CDH9: variants seen among roughly 807,000 people sequenced by gnomAD.
CDH9 encodes cadherin-9.
In CDH9, 28 loss-of-function variants were observed where a neutral mutation model predicts 70.9. The observed-to-expected ratio is 0.40, with a 90% confidence interval of 0.29 to 0.54. The LOEUF (loss-of-function observed/expected upper bound fraction) is 0.54, where lower values mean the gene tolerates loss of function less well. Among genes scored for constraint, CDH9 ranks in the 20% least tolerant of loss-of-function variants. The pLI, the probability that CDH9 is intolerant of heterozygous loss-of-function variation, is 0.59. For missense variants in CDH9, 874 were observed against 984.4 expected (o/e 0.89, Z 1.50); for synonymous variants, 409 against 343.1 (o/e 1.19, Z -2.12).
intron 7 of CDH9, among the ~76,000 whole-genome samples, chr5:26,898,969 T>C (rs1027439652): frequency 6.6e-6 from 1 of 151,844 alleles, no homozygotes. Context: ...TTAAACAAAT[T>C]TACAAGAAAA....
At chr5:27,000,979 G>A (rs1013056728) in intron 1 of CDH9, among the ~76,000 whole-genome samples, 5 of 152,094 alleles carry the variant, frequency 3.3e-5, no homozygotes, top group Admixed American at 2.0e-4. Context: ...ATGAACAGGT[G>A]AAGCAAAGGA....
At chr5:27,030,526 TA>T (rs529569068) in intron 1 of CDH9, among the ~76,000 whole-genome samples, 2,736 of 131,186 alleles carry the variant, frequency 0.021, 21 homozygotes, top group African/African-American at 0.023. Context: ...AAGCAGGGAT[TA>T]AAAAAAAAAA....
chr5:26,894,868 G>C (rs12519358), intron 7 of CDH9, among the ~76,000 whole-genome samples: 17,016 of 151,988 alleles, frequency 0.11, 1,601 homozygotes, highest in East Asian at 0.48. Flanking sequence ...GCAGAGACAG[G>C]ATCCAATCAT....
rs1333764705 is a variant in CDH9, at chr5:27,027,704, T to C, written c.-50+10759A>G. 4.6e-5 allele frequency among the ~76,000 whole-genome samples: 7 copies of C among 152,050 alleles called. No individual in the cohort carries two copies. The East Asian group carries it at 1.4e-3, about 29-fold the overall frequency. ...CCTACTAAACTTCTTGTTTACTACA[T>C]TTTATACATGGGACAATTTGCACCC... On this transcript the variant is annotated intron_variant, in intron 1 of 11. Transcript: ENST00000231021.
chr5:26,973,621 A>G (rs971162853), intron 2 of CDH9, among the ~76,000 whole-genome samples: 1 of 152,158 alleles, frequency 6.6e-6, no homozygotes, highest in African/African-American at 2.4e-5. Flanking sequence ...AATTCCAACT[A>G]GAAGAAATTT....
At chr5:27,005,185 A>G (rs114102413) in intron 1 of CDH9, among the ~76,000 whole-genome samples, 1,837 of 152,224 alleles carry the variant, frequency 0.012, 19 homozygotes, top group Non-Finnish European at 0.018. Context: ...TTTCAAATTA[A>G]TTTAGAAAAT....
At chr5:26,937,782 C>T (rs964140139) in intron 2 of CDH9, among the ~76,000 whole-genome samples, 1 of 151,940 alleles carries the variant, frequency 6.6e-6, no homozygotes, top group African/African-American at 2.4e-5. Flanking sequence ...AACTATGAAG[C>T]AAGTACAATG....
intron 1 of CDH9, among the ~76,000 whole-genome samples, chr5:26,999,593 C>T (rs1742728634): frequency 2.6e-5 from 4 of 152,086 alleles, no homozygotes; most frequent in African/African-American, 9.7e-5. Context: ...TGTCAACTCT[C>T]ATTTGACAAA....
intron 1 of CDH9, among the ~76,000 whole-genome samples, chr5:27,007,322 T>C (rs938823933): frequency 2.0e-5 from 3 of 151,912 alleles, no homozygotes; most frequent in Non-Finnish European, 4.4e-5. Flanking sequence ...TGTCTGTGGG[T>C]AGGGAGGGGA....
rs577067359 is a variant in CDH9, at chr5:26,969,706, A to T, written c.228+18400T>A. Among the ~76,000 whole-genome samples, 3 of 152,120 alleles carry T rather than the reference A, an allele frequency of 2.0e-5. No individual in the cohort carries two copies. In the South Asian group the frequency reaches 6.2e-4, roughly 32 times the overall value. The stretch of plus-strand genomic sequence containing the variant: ...TAACATATTTAATCCATAGCTGTAT[A>T]GTTTGATTGCACTGGTATTGATACT... On this transcript the variant is annotated intron_variant, in intron 2 of 11. Coordinates refer to ENST00000231021, the MANE Select transcript of CDH9 (RefSeq NM_016279.4).
intron 2 of CDH9, among the ~76,000 whole-genome samples, chr5:26,970,298 T>A (rs939868316): frequency 2.3e-4 from 35 of 152,134 alleles, no homozygotes; most frequent in African/African-American, 8.4e-4. Context: ...TAGTTATTGA[T>A]CTTATTGTTC....
At chr5:26,992,250 C>T (rs569512836) in intron 1 of CDH9, among the ~76,000 whole-genome samples, 12 of 152,160 alleles carry the variant, frequency 7.9e-5, no homozygotes, top group Admixed American at 5.2e-4. Flanking sequence ...AGACCAGGGA[C>T]CAGTACTGGT....
intron 9 of CDH9, among the ~76,000 whole-genome samples, chr5:26,888,887 T>C (rs1484606322): frequency 6.6e-6 from 1 of 152,158 alleles, no homozygotes; most frequent in East Asian, 1.9e-4. Flanking sequence ...AGCTCTCTGT[T>C]ATCTTTTCTT....
At chr5:27,004,795 C>T (rs945570530) in intron 1 of CDH9, among the ~76,000 whole-genome samples, 1 of 152,004 alleles carries the variant, frequency 6.6e-6, no homozygotes, top group Non-Finnish European at 1.5e-5. Context: ...CTCAAATATG[C>T]ATTTAACATC....
intron 5 of CDH9, among the ~76,000 whole-genome samples, chr5:26,904,116 T>C (rs544851818): frequency 6.6e-6 from 1 of 152,088 alleles, no homozygotes; most frequent in East Asian, 1.9e-4. Context: ...AACTTTTGGC[T>C]TAAAAGAACA....
chr5:26,894,350 A>C (rs867694469), intron 7 of CDH9, among the ~76,000 whole-genome samples: 1 of 152,292 alleles, frequency 6.6e-6, no homozygotes, highest in East Asian at 1.9e-4. Flanking sequence ...CAATTGCAAC[A>C]TGATAAAAAT....
chr5:26,990,436 C>T (rs908198643), intron 1 of CDH9, among the ~76,000 whole-genome samples: 1 of 152,066 alleles, frequency 6.6e-6, no homozygotes, highest in Non-Finnish European at 1.5e-5. Context: ...TACAGTAATA[C>T]AAAATTACAC....
chr5:26,890,457 T>G lies in CDH9; in HGVS notation c.1361A>C (p.His454Pro), dbSNP rs751026716. 5 of 1,613,636 alleles carry G rather than the reference T, an allele frequency of 3.1e-6. No individual in the cohort carries two copies. The highest frequency in any genetic ancestry group is 4.2e-6 in the Non-Finnish European group (5 of 1,179,594). Reference sequence around the variant, plus strand: ...TTCTGTGGCTGTAACAGTGATGTTATGCCAAGGAGATGATTCCCGGTCAAG... The same window carrying G: ...TTCTGTGGCTGTAACAGTGATGTTAGGCCAAGGAGATGATTCCCGGTCAAG... The part of the protein sequence containing the change: ...KALDRESSPW[H>P]NITVTATEIN... Residue 454 changes from histidine to proline, a missense_variant, in exon 8 of 12, where the codon CAT becomes CCT. By Grantham distance (77) the His-to-Pro change is moderately conservative. Coordinates refer to ENST00000231021, the MANE Select transcript of CDH9 (RefSeq NM_016279.4).
chr5:26,987,060 C>T (rs879455212), intron 2 of CDH9, among the ~76,000 whole-genome samples: 1 of 147,714 alleles, frequency 6.8e-6, no homozygotes, highest in African/African-American at 2.5e-5. Flanking sequence ...AAGCTACAAG[C>T]ATGACATTTG....
Sources: allele counts gnomAD v4.1 joint callset (sites outside exome capture counted in the v4.1 genomes callset), GRCh38; gene constraint gnomAD v4.1.1; transcripts MANE v1.5; gene names NCBI Gene and HGNC (gene_info 2026-07-23, HGNC 2026-07-21).